REPS1: variants seen among roughly 807,000 people sequenced by gnomAD.
The protein encoded by REPS1 is RALBP1 associated Eps domain containing 1, also known as ralBP1-associated Eps domain-containing protein 1.
REPS1 carries 39 observed loss-of-function variants against 100.9 expected under a neutral mutation model. That is an observed-to-expected ratio of 0.39 (90% CI 0.30 to 0.50). REPS1 has a LOEUF of 0.50. Ranked by LOEUF, REPS1 falls within the 20% of genes least tolerant of loss-of-function variation. REPS1 has a pLI of 0.86. For synonymous variants in REPS1, 324 were observed against 340.3 expected (o/e 0.95, Z 0.53); for missense variants, 821 against 968.5 (o/e 0.85, Z 2.02).
At chr6:138,949,466 C>A (rs570508301) in intron 1 of REPS1, among the ~76,000 whole-genome samples, 30 of 152,286 alleles carry the variant, frequency 2.0e-4, no homozygotes, top group African/African-American at 7.0e-4. Context: ...GTGGCTCATG[C>A]CTGTAATCAC....
chr6:138,946,033 TA>T (rs1191597227), intron 2 of REPS1, among the ~76,000 whole-genome samples: 1 of 152,192 alleles, frequency 6.6e-6, no homozygotes, highest in African/African-American at 2.4e-5. Flanking sequence ...TATTTACAGA[TA>T]AGAAAACTGA....
chr6:138,915,204 C>T (rs1582714421), intron 14 of REPS1: 1 of 161,428 alleles, frequency 6.2e-6, no homozygotes, highest in Non-Finnish European at 1.3e-5. Context: ...AACAACAATA[C>T]TGCCAGTTCT....
chr6:138,972,828 A>ACTATGCAG (rs1181283867), intron 1 of REPS1, among the ~76,000 whole-genome samples: 1 of 152,166 alleles, frequency 6.6e-6, no homozygotes, highest in Non-Finnish European at 1.5e-5. Flanking sequence ...AATTGAAAGC[A>ACTATGCAG]CTATGCAGTC....
intron 15 of REPS1, 98 bp downstream of exon 15, chr6:138,914,599 A>G (rs1341752388): frequency 3.2e-6 from 3 of 942,968 alleles, no homozygotes; most frequent in Admixed American, 3.7e-5. Context: ...TTACCAACAG[A>G]TCATTCCTGA....
chr6:138,986,787 T>TA (rs112843204), intron 1 of REPS1, among the ~76,000 whole-genome samples: 1,778 of 152,142 alleles, frequency 0.012, 20 homozygotes, highest in African/African-American at 0.039. Flanking sequence ...GCAGATATGA[T>TA]AAAAAAAGGC....
At chr6:138,910,086 C>A (rs1779906453) in intron 17 of REPS1, among the ~76,000 whole-genome samples, 1 of 152,170 alleles carries the variant, frequency 6.6e-6, no homozygotes. Context: ...GGAGGTGGGC[C>A]TAGTGGGAGG....
At position 138,987,735 on chromosome 6, in the gene REPS1, G is replaced by A. The variant is rs1474916858; in HGVS notation, c.-53C>T. ...CCCCGCATGCACTACTCGGGGCCCGGCCCCAGGAACCTGGGCCGGCAGGGG... is the reference window on the plus strand; with the variant it reads ...CCCCGCATGCACTACTCGGGGCCCGACCCCAGGAACCTGGGCCGGCAGGGG... On this transcript the variant is annotated 5_prime_UTR_variant, in exon 1 of 20. Coordinates refer to ENST00000450536, the MANE Select transcript of REPS1 (RefSeq NM_001286611.2). 2.1e-6 allele frequency: 3 copies of A among 1,459,204 alleles called. No individual in the cohort carries two copies. The highest frequency in any genetic ancestry group is 9.1e-7 in the Non-Finnish European group (1 of 1,102,944). The allele number at this position is 1,459,204 out of a possible 1,614,324, so 90.4% of individuals were successfully genotyped here.
In REPS1 at chr6:138,945,263, G is replaced by T. The variant is rs142283202; in HGVS notation, c.584C>A (p.Ala195Glu). The T allele has an allele frequency of 6.2e-7, 1 of 1,610,866 alleles. No individual in the cohort carries two copies. Residue 195 changes from alanine to glutamate, a missense_variant, in exon 4 of 20, where the codon GCG (alanine) becomes GAG (glutamate). Ala to Glu is a moderately radical substitution (Grantham distance 107). This residue lies in a region of REPS1 where 757 missense variants were observed against 866.4 expected (regional missense o/e 0.87). Coordinates refer to ENST00000450536, the MANE Select transcript of REPS1 (RefSeq NM_001286611.2). ...PSGGNSERPL[A>E]GPGPFWSPFG... ...GGGAGACCAAAATGGCCCAGGTCCCGCGAGAGGCCTCTCACTATTCCCACC... is the reference window on the plus strand; with the variant it reads ...GGGAGACCAAAATGGCCCAGGTCCCTCGAGAGGCCTCTCACTATTCCCACC...
chr6:138,987,435 C>T (rs1785334234), intron 1 of REPS1, 95 bp downstream of exon 1: 8 of 1,293,936 alleles, frequency 6.2e-6, no homozygotes, highest in Non-Finnish European at 8.1e-6. Flanking sequence ...GAACCAGCCC[C>T]CCGCCGGGCC....
At chr6:138,928,436 G>A (rs1781278835) in intron 9 of REPS1, 1 of 152,016 alleles carries the variant, frequency 6.6e-6, no homozygotes, top group Non-Finnish European at 1.5e-5. Context: ...GATATTTTTA[G>A]AAATATCATT....
intron 16 of REPS1, among the ~76,000 whole-genome samples, chr6:138,911,895 G>A (rs563997987): frequency 1.3e-5 from 2 of 152,206 alleles, no homozygotes; most frequent in South Asian, 2.1e-4. Context: ...AGAGGAGGAC[G>A]GGGTGAGGAT....
intron 1 of REPS1, among the ~76,000 whole-genome samples, chr6:138,970,954 A>G (rs1302381382): frequency 1.3e-5 from 2 of 152,220 alleles, no homozygotes; most frequent in African/African-American, 4.8e-5. Context: ...TAACACCAGA[A>G]GCAAAAAGGA....
At chr6:138,982,623 G>A (rs1785017542) in intron 1 of REPS1, among the ~76,000 whole-genome samples, 1 of 152,188 alleles carries the variant, frequency 6.6e-6, no homozygotes, top group Admixed American at 6.5e-5. Context: ...TTGCTCGGCA[G>A]ACAGCAAAAT....
chr6:138,924,891 A>G (rs935486639), intron 10 of REPS1, among the ~76,000 whole-genome samples: 2 of 152,238 alleles, frequency 1.3e-5, no homozygotes, highest in Admixed American at 1.3e-4. Flanking sequence ...CCTTAAATGT[A>G]GCAAGAAATG....
At chr6:138,939,411 T>C (rs769729205) in intron 8 of REPS1, among the ~76,000 whole-genome samples, 4 of 152,164 alleles carry the variant, frequency 2.6e-5, no homozygotes, top group Non-Finnish European at 5.9e-5. Context: ...GACAAAAAGA[T>C]AAATGCCCAG....
chr6:138,927,905 C>T (rs1478619562), intron 9 of REPS1: 1 of 152,102 alleles, frequency 6.6e-6, no homozygotes, highest in Admixed American at 6.6e-5. Flanking sequence ...GTTTTAAAAT[C>T]CTAATTAACT....
chr6:138,960,123 T>C (rs921218990), intron 1 of REPS1, among the ~76,000 whole-genome samples: 3 of 152,196 alleles, frequency 2.0e-5, no homozygotes, highest in African/African-American at 7.2e-5. Flanking sequence ...GAATGCATTT[T>C]TAGCCCACAA....
rs1780893647 is a variant in REPS1 at position 138,923,201 on chromosome 6, T to C, written c.1339-2077A>G. ...AATACCTTTAAGATATTAAGTTATA[T>C]GTTGGTTATAAAAACATGGCTTTAG... On this transcript the variant is annotated intron_variant, in intron 10 of 19. Transcript: ENST00000450536. 3.9e-5 allele frequency among the ~76,000 whole-genome samples: 6 copies of C among 152,314 alleles called. No homozygotes were observed. The South Asian group carries it at 1.0e-3, about 26-fold the overall frequency.
In REPS1 at chr6:138,904,815, G is replaced by T; in HGVS notation, c.*249C>A. ...CATAGAAGCATTGCATATCCCAGATGCTAGGGAACAGAAAAGGTGGGTGTG... is the reference window on the plus strand; with the variant it reads ...CATAGAAGCATTGCATATCCCAGATTCTAGGGAACAGAAAAGGTGGGTGTG... On this transcript the variant is annotated 3_prime_UTR_variant, in exon 20 of 20. Transcript: ENST00000450536. The T allele has an allele frequency of 2.8e-6, 1 of 362,456 alleles. No individual in the cohort carries two copies. The highest frequency in any genetic ancestry group is 5.1e-6 in the Non-Finnish European group (1 of 196,954). 22.5% of individuals were successfully genotyped at this position (362,456 alleles called of 1,614,324 possible).
Sources: allele counts gnomAD v4.1 joint callset (sites outside exome capture counted in the v4.1 genomes callset), GRCh38; gene constraint gnomAD v4.1.1; regional missense constraint gnomAD v4.1.1; transcripts MANE v1.5; gene names NCBI Gene and HGNC (gene_info 2026-07-23, HGNC 2026-07-21).